Variants in DENND2A observed in about 807,000 individuals in gnomAD.
DENND2A encodes DENN domain containing 2A.
In DENND2A, 53 loss-of-function variants were observed where a neutral mutation model predicts 105.3. The observed-to-expected ratio is 0.50, with a 90% CI of 0.40 to 0.63. DENND2A has a LOEUF of 0.63. DENND2A is among the 30% of genes least tolerant of loss of function. The probability of loss-of-function intolerance (pLI) is 0.00; values close to 1 mark genes in which losing one functional copy is unlikely to be tolerated. For synonymous variants in DENND2A, 522 were observed against 508.4 expected (o/e 1.03, Z -0.36); for missense variants, 1,138 against 1,279.6 (o/e 0.89, Z 1.69).
At chr7:140,578,405 C>T (rs1798396690) in intron 5 of DENND2A, among the ~76,000 whole-genome samples, 1 of 152,206 alleles carries the variant, frequency 6.6e-6, no homozygotes, top group Non-Finnish European at 1.5e-5. Context: ...TGGGAGACTA[C>T]AGGGATCCTT....
intron 1 of DENND2A, among the ~76,000 whole-genome samples, chr7:140,630,319 C>T (rs532487459): frequency 4.3e-4 from 65 of 152,242 alleles, no homozygotes; most frequent in African/African-American, 1.4e-3. Flanking sequence ...CCATGTTGCC[C>T]AGGCTCTTTG....
Position 140,527,416 on chromosome 7 carries a change from G to A in DENND2A, c.2407C>T (p.Pro803Ser). Residue 803 changes from proline to serine, a missense_variant, in exon 15 of 20, where the codon CCA becomes TCA. Around this residue, in one of 2 missense-constraint regions of DENND2A, gnomAD observed 627 missense variants for 779.8 expected, o/e 0.80. Transcript: ENST00000496613. The surrounding 1 kb of genome is among the most constrained non-coding windows in gnomAD (Gnocchi z 4.9). Reference sequence around the variant, plus strand: ...CACACGATGTCGACCATGGCGGGTGGCAGCACCGGGATGTAGGTGTGCTGC... The same window carrying A: ...CACACGATGTCGACCATGGCGGGTGACAGCACCGGGATGTAGGTGTGCTGC... ...AWQHTYIPVL[P>S]PAMVDIVCSP... 2 of 1,598,622 alleles carry A rather than the reference G, an allele frequency of 1.3e-6. No individual in the cohort carries two copies. Among genetic ancestry groups the A allele is most frequent in the Non-Finnish European group, 1.7e-6 (2 of 1,174,534 alleles).
At chr7:140,607,757 A>G (rs1159683253) in intron 1 of DENND2A, among the ~76,000 whole-genome samples, 3 of 152,090 alleles carry the variant, frequency 2.0e-5, no homozygotes, top group African/African-American at 7.2e-5. Flanking sequence ...CAGGGAGAAC[A>G]GCCCCTCCCC....
At chr7:140,518,830 CG>C in intron 19 of DENND2A, 92 bp from the exon 20 acceptor site, 12 of 1,333,840 alleles carry the variant, frequency 9.0e-6, no homozygotes, top group African/African-American at 1.4e-5. Context: ...GTGCGGGTAA[CG>C]GGGCCCCCAC....
chr7:140,632,395 C>T (rs1800762736), intron 1 of DENND2A, among the ~76,000 whole-genome samples: 1 of 152,110 alleles, frequency 6.6e-6, no homozygotes, highest in Non-Finnish European at 1.5e-5. Context: ...GGGAGATAGA[C>T]AGAGGGGTGG....
intron 3 of DENND2A, among the ~76,000 whole-genome samples, chr7:140,591,550 C>T (rs1456384431): frequency 6.6e-6 from 1 of 152,042 alleles, no homozygotes; most frequent in African/African-American, 2.4e-5. Flanking sequence ...AGTAGGATTC[C>T]AATTATAACA....
At chr7:140,538,349 C>T (rs1183439396) in intron 14 of DENND2A, among the ~76,000 whole-genome samples, 1 of 152,022 alleles carries the variant, frequency 6.6e-6, no homozygotes, top group Non-Finnish European at 1.5e-5. Context: ...TGTTCCATGC[C>T]CTCATTAAGT....
chr7:140,556,950 T>C (rs1312899886), intron 11 of DENND2A, among the ~76,000 whole-genome samples: 1 of 152,170 alleles, frequency 6.6e-6, no homozygotes, highest in Non-Finnish European at 1.5e-5. Flanking sequence ...AAGGTGACTA[T>C]TCTGAAGGGG....
rs142051392 is a variant in DENND2A at position 140,554,979 on chromosome 7, C to T, written c.2037+657G>A. 8.9e-3 allele frequency among the ~76,000 whole-genome samples: 1,350 copies of T among 152,184 alleles called. 23 individuals are homozygous for T. The highest frequency in any genetic ancestry group is 0.03 in the African/African-American group (1,264 of 41,524). On this transcript the variant is annotated intron_variant, in intron 12 of 19. Transcript: ENST00000496613. Reference sequence around the variant, plus strand: ...CATCTATTACAGTAGCCTTTTTTCACGCCAAAGCTCATATGACAAAAGGCA... The same window carrying T: ...CATCTATTACAGTAGCCTTTTTTCATGCCAAAGCTCATATGACAAAAGGCA...
chr7:140,563,893 C>T (rs1385239228), intron 9 of DENND2A, among the ~76,000 whole-genome samples: 1 of 151,978 alleles, frequency 6.6e-6, no homozygotes, highest in Non-Finnish European at 1.5e-5. Context: ...CGGGAAGGCT[C>T]ACTTGAGCCC....
At position 140,559,775 on chromosome 7, in the gene DENND2A, G is replaced by T; in HGVS notation, c.1822C>A (p.Leu608Met). 1 of 1,614,178 alleles carries T rather than the reference G, an allele frequency of 6.2e-7. No homozygotes were observed. ...AAACAGAACTGGGGAATGGCCTTCA[G>T]TTGGTCCTCAGCTTCTCTCATGAAC... Reference protein sequence around the residue: ...FKFMREAEDQLKAIPQFCFPD... With the variant: ...FKFMREAEDQMKAIPQFCFPD... Residue 608 changes from leucine to methionine, a missense_variant, in exon 10 of 20, where the codon CTG becomes ATG. Transcript: ENST00000496613. The surrounding 1 kb of genome is among the most constrained non-coding windows in gnomAD (Gnocchi z 4.1).
intron 1 of DENND2A, among the ~76,000 whole-genome samples, chr7:140,633,799 C>T (rs893586402): frequency 1.3e-5 from 2 of 151,912 alleles, no homozygotes; most frequent in Non-Finnish European, 1.5e-5. Context: ...TTTTTGAGAC[C>T]TCTGTTGCCC....
chr7:140,534,794 G>A (rs1047576532), intron 14 of DENND2A, among the ~76,000 whole-genome samples: 1 of 152,318 alleles, frequency 6.6e-6, no homozygotes, highest in East Asian at 1.9e-4. Flanking sequence ...TTGCATTACA[G>A]TGGTGTGGAG....
rs144683982 is a variant in DENND2A at position 140,615,504 on chromosome 7, C to A, written c.-247-9698G>T. 2.6e-3 allele frequency among the ~76,000 whole-genome samples: 401 copies of A among 151,836 alleles called. 2 individuals carry two copies. The highest frequency in any genetic ancestry group is 9.2e-3 in the African/African-American group (380 of 41,390). On this transcript the variant is annotated intron_variant, in intron 1 of 19. Transcript: ENST00000496613. The stretch of plus-strand genomic sequence containing the variant: ...AAGGCACAACTTCTCTGCTAACAAC[C>A]AAAGTCTGCCCATTTCTAGGAGTTC...
At chr7:140,618,851 T>G (rs1285415552) in intron 1 of DENND2A, among the ~76,000 whole-genome samples, 2 of 152,158 alleles carry the variant, frequency 1.3e-5, no homozygotes, top group Admixed American at 1.3e-4. Context: ...TCGCTTAGGC[T>G]GGAGTGCAGT....
chr7:140,627,405 G>A (rs1167894849), intron 1 of DENND2A, among the ~76,000 whole-genome samples: 2 of 151,956 alleles, frequency 1.3e-5, no homozygotes, highest in Non-Finnish European at 2.9e-5. Context: ...GGTAGAGACG[G>A]GGTTTCACCA....
chr7:140,597,698 C>T (rs1407801667), intron 3 of DENND2A, among the ~76,000 whole-genome samples: 1 of 152,168 alleles, frequency 6.6e-6, no homozygotes, highest in Non-Finnish European at 1.5e-5. Flanking sequence ...GACTCGCCTG[C>T]CCAGTGATGA....
intron 14 of DENND2A, 143 bp downstream of exon 14, chr7:140,544,475 G>A: frequency 9.4e-7 from 1 of 1,067,710 alleles, no homozygotes; most frequent in African/African-American, 1.5e-5. Context: ...GATTACAGGT[G>A]TGAGTCACCG....
At position 140,521,828 on chromosome 7, in the gene DENND2A, G is replaced by A. The variant is rs751522016; in HGVS notation, c.2911+27C>T. On this transcript the variant is annotated intron_variant, in intron 18 of 19. Coordinates refer to ENST00000496613, the MANE Select transcript of DENND2A (RefSeq NM_015689.5). ...GAATATAGGGAGCTCTAGCTGACTCGGCCCCAACAGAGAAGATGCCCCTCA... is the reference window on the plus strand; with the variant it reads ...GAATATAGGGAGCTCTAGCTGACTCAGCCCCAACAGAGAAGATGCCCCTCA... 17 of 1,610,304 alleles carry A rather than the reference G, an allele frequency of 1.1e-5. No homozygotes were observed. The South Asian group carries it at 1.1e-4, about 10-fold the overall frequency.
Sources: allele counts gnomAD v4.1 joint callset (sites outside exome capture counted in the v4.1 genomes callset), GRCh38; gene constraint gnomAD v4.1.1; regional missense constraint gnomAD v4.1.1; non-coding constraint Gnocchi (gnomAD v3.1); transcripts MANE v1.5; gene names NCBI Gene and HGNC (gene_info 2026-07-23, HGNC 2026-07-21).